Variants in TMCO5A observed in about 807,000 individuals in gnomAD.
TMCO5A encodes transmembrane and coiled-coil domains 5A.
A neutral mutation model predicts 42.3 loss-of-function variants in TMCO5A; 34 were observed. That is an observed-to-expected ratio of 0.80 (90% confidence interval 0.61 to 1.07). The LOEUF is 1.07. TMCO5A is among the 50% of genes least tolerant of loss of function. The pLI is 0.00. For synonymous variants in TMCO5A, 131 were observed against 115.6 expected (o/e 1.13, Z -0.86); for missense variants, 357 against 327.9 (o/e 1.09, Z -0.69).
the TMCO5A span, among the ~76,000 whole-genome samples, chr15:37,982,910 T>C: frequency 6.6e-6 from 1 of 151,586 alleles, no homozygotes; most frequent in Non-Finnish European, 1.5e-5. Flanking sequence ...AACTGAATCA[T>C]CCCCTTGGAC....
the TMCO5A span, among the ~76,000 whole-genome samples, chr15:37,981,742 AT>A: frequency 6.6e-6 from 1 of 152,212 alleles, no homozygotes; most frequent in Non-Finnish European, 1.5e-5. Flanking sequence ...GGAAGGTAAC[AT>A]TTTTATGTAG....
chr15:37,980,816 CAT>C, the TMCO5A span, among the ~76,000 whole-genome samples: 1 of 152,014 alleles, frequency 6.6e-6, no homozygotes, highest in Non-Finnish European at 1.5e-5. Flanking sequence ...CACCCTGCCA[CAT>C]GATAATGCAA....
chr15:37,946,349 C>G (rs1446084938), intron 10 of TMCO5A, among the ~76,000 whole-genome samples: 1 of 151,996 alleles, frequency 6.6e-6, no homozygotes, highest in African/African-American at 2.4e-5. Flanking sequence ...TATTAGGGCT[C>G]TTTTTGGTTC....
the TMCO5A span, among the ~76,000 whole-genome samples, chr15:37,984,332 T>C: frequency 6.6e-6 from 1 of 151,952 alleles, no homozygotes; most frequent in Admixed American, 6.6e-5. Flanking sequence ...AGAGAAGCAG[T>C]AGGAGAGAAA....
At chr15:37,939,197 T>C (rs754870694) in intron 6 of TMCO5A, among the ~76,000 whole-genome samples, 5 of 152,038 alleles carry the variant, frequency 3.3e-5, no homozygotes, top group Non-Finnish European at 5.9e-5. Flanking sequence ...CTGCACTTGG[T>C]TGTGTGTATG....
At chr15:37,989,207 C>T in the TMCO5A span, among the ~76,000 whole-genome samples, 5 of 151,678 alleles carry the variant, frequency 3.3e-5, no homozygotes, top group East Asian at 5.8e-4. Flanking sequence ...TAATTTGAGT[C>T]TTCTTTTTCT....
the TMCO5A span, among the ~76,000 whole-genome samples, chr15:37,981,498 C>T: frequency 1.9e-4 from 29 of 151,852 alleles, no homozygotes; most frequent in African/African-American, 6.5e-4. Flanking sequence ...AAGGCAACAC[C>T]CAATGGTTAA....
the TMCO5A span, among the ~76,000 whole-genome samples, chr15:37,983,730 T>G: frequency 3.5e-5 from 5 of 141,348 alleles, no homozygotes; most frequent in African/African-American, 1.6e-4. Flanking sequence ...TTTTTTTTTT[T>G]GTTTTTTTTT....
the TMCO5A span, among the ~76,000 whole-genome samples, chr15:38,010,660 T>C: frequency 2.1e-4 from 32 of 152,230 alleles, no homozygotes; most frequent in African/African-American, 7.7e-4. Flanking sequence ...AAAAAATAAA[T>C]TTCTGTGGTT....
the TMCO5A span, among the ~76,000 whole-genome samples, chr15:37,986,766 C>A: frequency 6.6e-6 from 1 of 151,964 alleles, no homozygotes; most frequent in Non-Finnish European, 1.5e-5. Context: ...CATGTTGCAG[C>A]ATACAAGATT....
chr15:37,989,294 A>G, the TMCO5A span, among the ~76,000 whole-genome samples: 1 of 151,874 alleles, frequency 6.6e-6, no homozygotes, highest in African/African-American at 2.4e-5. Flanking sequence ...CTCTATTATT[A>G]AACAAAAAAA....
the TMCO5A span, among the ~76,000 whole-genome samples, chr15:38,038,357 T>C: frequency 5.9e-5 from 9 of 152,102 alleles, no homozygotes; most frequent in Non-Finnish European, 1.0e-4. Context: ...AGAACAAAAT[T>C]TTGCTTTGTT....
chr15:37,951,021 G>C lies in TMCO5A; in HGVS notation c.669-15G>C. The C allele has an allele frequency of 1.2e-6, 2 of 1,608,430 alleles. No individual in the cohort carries two copies. The highest frequency in any genetic ancestry group is 1.7e-6 in the Non-Finnish European group (2 of 1,177,862). ...TAAGCTTCTGGTTAACAGTTTCATG[G>C]CATTCTCTTTTTAGGATTTTTTGCT... On this transcript the variant is annotated splice_polypyrimidine_tract_variant and intron_variant, in intron 11 of 11. Coordinates refer to ENST00000319669, the MANE Select transcript of TMCO5A (RefSeq NM_152453.4).
At chr15:37,991,436 C>CT in the TMCO5A span, among the ~76,000 whole-genome samples, 1 of 152,060 alleles carries the variant, frequency 6.6e-6, no homozygotes, top group Non-Finnish European at 1.5e-5. Context: ...GTGTGGGCCT[C>CT]TTTGAGTTCC....
At chr15:37,940,999 G>A (rs1009809819) in intron 6 of TMCO5A, 150 bp from the exon 7 acceptor site, 19 of 590,162 alleles carry the variant, frequency 3.2e-5, no homozygotes, top group South Asian at 2.7e-4. Flanking sequence ...AGCTGCAAAC[G>A]GTGCTGGGTG....
At chr15:38,013,801 A>G in the TMCO5A span, among the ~76,000 whole-genome samples, 3 of 152,224 alleles carry the variant, frequency 2.0e-5, no homozygotes, top group South Asian at 2.1e-4. Flanking sequence ...ATTATCATAA[A>G]TTTAGTGACT....
chr15:38,022,012 A>G, the TMCO5A span, among the ~76,000 whole-genome samples: 23 of 152,130 alleles, frequency 1.5e-4, no homozygotes, highest in African/African-American at 5.3e-4. Context: ...GGGTTTCACC[A>G]TGTTGGCCAG....
the TMCO5A span, among the ~76,000 whole-genome samples, chr15:37,998,321 T>C: frequency 1.3e-5 from 2 of 152,224 alleles, no homozygotes; most frequent in Admixed American, 6.5e-5. Flanking sequence ...TTTAGTAGTT[T>C]CATAGTTTGA....
chr15:37,982,564 TTATA>T, the TMCO5A span, among the ~76,000 whole-genome samples: 1 of 140,780 alleles, frequency 7.1e-6, no homozygotes, highest in African/African-American at 2.7e-5. Flanking sequence ...ATATAATTGT[TTATA>T]TATTATTTAA....
Sources: allele counts gnomAD v4.1 joint callset (sites outside exome capture counted in the v4.1 genomes callset), GRCh38; gene constraint gnomAD v4.1.1; transcripts MANE v1.5; gene names NCBI Gene and HGNC (gene_info 2026-07-23, HGNC 2026-07-21).